SNX24: variants seen among roughly 807,000 people sequenced by gnomAD.
SNX24 encodes the protein sorting nexin-24.
Under a neutral mutation model 28.7 loss-of-function variants are expected in SNX24, and 22 were observed. The observed-to-expected ratio is 0.77, with a 90% CI of 0.55 to 1.10. The LOEUF (loss-of-function observed/expected upper bound fraction) is 1.10. SNX24 is among the 50% of genes least tolerant of loss of function. The pLI is 0.00. For missense variants in SNX24, 221 were observed against 201.1 expected, an observed-to-expected ratio of 1.10 and a Z score of -0.60; for synonymous variants, 69 against 71.5, an observed-to-expected ratio of 0.96 and a Z score of 0.18.
Position 122,845,690 on chromosome 5 carries a change from C to T in SNX24, c.57C>T (p.Tyr19=). 1 of 1,412,416 alleles carries T rather than the reference C, an allele frequency of 7.1e-7. No homozygotes were observed. Among genetic ancestry groups the T allele is most frequent in the Non-Finnish European group, 9.3e-7 (1 of 1,072,734 alleles). 87.5% of individuals were successfully genotyped at this position (1,412,416 alleles called of 1,614,324 possible). The part of the protein sequence containing the change: ...RYEESDLERG[Y]TVFKIEVLMN... ...AAGAGAGCGACCTGGAGCGGGGATA[C>T]ACGGTAGGCGCGGGCCGCGGGCGGA... The change falls in exon 1 of 7, where the codon TAC becomes TAT. Residue 19 remains tyrosine, a synonymous_variant. Coordinates refer to ENST00000261369, the MANE Select transcript of SNX24 (RefSeq NM_014035.4).
intron 3 of SNX24, among the ~76,000 whole-genome samples, chr5:122,964,231 G>A (rs1263903499): frequency 1.2e-4 from 7 of 59,402 alleles, no homozygotes. Context: ...TGGGCGACAA[G>A]AACAAGACTC....
intron 3 of SNX24, among the ~76,000 whole-genome samples, chr5:122,968,493 A>G (rs1191109917): frequency 6.6e-6 from 1 of 152,212 alleles, no homozygotes; most frequent in Non-Finnish European, 1.5e-5. Flanking sequence ...GTGTGACATC[A>G]AGAAGGGCAA....
intron 5 of SNX24, chr5:123,023,988 T>C (rs1762812294): frequency 6.2e-7 from 1 of 1,613,518 alleles, no homozygotes; most frequent in Non-Finnish European, 8.5e-7. Flanking sequence ...TGGAGCTCTA[T>C]GGAGTGCACC....
chr5:122,988,146 T>C (rs1220318451), intron 3 of SNX24, among the ~76,000 whole-genome samples: 2 of 152,118 alleles, frequency 1.3e-5, no homozygotes, highest in African/African-American at 2.4e-5. Flanking sequence ...TCTGGCCAAC[T>C]AGAGTGGTTA....
At chr5:122,936,024 C>T (rs1759164747) in intron 1 of SNX24, among the ~76,000 whole-genome samples, 1 of 152,166 alleles carries the variant, frequency 6.6e-6, no homozygotes, top group Non-Finnish European at 1.5e-5. Context: ...CAATATTTCT[C>T]ATCCCTTGTT....
At chr5:122,871,726 C>T (rs983069306) in intron 1 of SNX24, among the ~76,000 whole-genome samples, 1 of 152,124 alleles carries the variant, frequency 6.6e-6, no homozygotes, top group Non-Finnish European at 1.5e-5. Flanking sequence ...GCGGAGATCA[C>T]GCCATTGCAC....
chr5:122,856,492 A>G (rs573988146), intron 1 of SNX24, among the ~76,000 whole-genome samples: 40 of 149,748 alleles, frequency 2.7e-4, no homozygotes, highest in African/African-American at 9.8e-4. Context: ...ATAACCAATA[A>G]TTGGAATGCT....
chr5:122,860,036 T>C (rs956170786), intron 1 of SNX24, among the ~76,000 whole-genome samples: 3 of 152,210 alleles, frequency 2.0e-5, no homozygotes, highest in African/African-American at 7.2e-5. Flanking sequence ...TATTCAGATC[T>C]TAGTTAATCT....
intron 3 of SNX24, among the ~76,000 whole-genome samples, chr5:122,973,355 T>C (rs891279778): frequency 1.3e-5 from 2 of 152,202 alleles, no homozygotes; most frequent in South Asian, 2.1e-4. Flanking sequence ...CTGGGAAGAT[T>C]TGCCTTCACC....
chr5:122,885,117 C>G (rs950831868), intron 1 of SNX24, among the ~76,000 whole-genome samples: 5 of 152,080 alleles, frequency 3.3e-5, no homozygotes, highest in African/African-American at 1.2e-4. Context: ...GTTAGGGAAG[C>G]TTCCTGCCTC....
intron 1 of SNX24, among the ~76,000 whole-genome samples, chr5:122,933,894 T>A (rs989802611): frequency 1.5e-4 from 23 of 152,110 alleles, no homozygotes; most frequent in African/African-American, 4.6e-4. Flanking sequence ...GCGATTCTCC[T>A]GCCTCAGCCT....
intron 5 of SNX24, chr5:123,028,758 A>G (rs751039705): frequency 2.5e-6 from 4 of 1,594,408 alleles, no homozygotes; most frequent in Admixed American, 1.7e-5. Context: ...GGGAAAGGAA[A>G]AATGCAAAGA....
intron 6 of SNX24, among the ~76,000 whole-genome samples, chr5:123,004,062 A>G (rs1287099389): frequency 6.6e-6 from 1 of 152,240 alleles, no homozygotes; most frequent in Non-Finnish European, 1.5e-5. Flanking sequence ...TTAGCAAGAT[A>G]TTAAGGTTAT....
chr5:122,941,453 G>A (rs1759441140), intron 2 of SNX24, among the ~76,000 whole-genome samples: 1 of 152,066 alleles, frequency 6.6e-6, no homozygotes, highest in Admixed American at 6.5e-5. Flanking sequence ...GTCTTTTCCT[G>A]TGTGTTCTGA....
chr5:122,879,325 T>C (rs1270545132), intron 1 of SNX24, among the ~76,000 whole-genome samples: 2 of 152,176 alleles, frequency 1.3e-5, no homozygotes, highest in Non-Finnish European at 1.5e-5. Flanking sequence ...AAACATGTAG[T>C]GAGGCAAGAA....
At chr5:122,951,272 AAAAAAAAAAAG>A (rs1335133718) in intron 3 of SNX24, among the ~76,000 whole-genome samples, 1 of 150,052 alleles carries the variant, frequency 6.7e-6, no homozygotes, top group South Asian at 2.1e-4. Flanking sequence ...GTCTCAAAAA[AAAAAAAAAAAG>A]AAAAAGAAAA....
At chr5:122,885,251 C>G (rs911325716) in intron 1 of SNX24, among the ~76,000 whole-genome samples, 3 of 152,084 alleles carry the variant, frequency 2.0e-5, no homozygotes, top group African/African-American at 4.8e-5. Context: ...TGCTTGCCTC[C>G]CTGCCTCTCC....
Position 122,931,814 on chromosome 5 carries a change from T to C in SNX24, c.61-4920T>C, listed in dbSNP as rs372450170. On this transcript the variant is annotated intron_variant, in intron 1 of 6. Coordinates refer to ENST00000261369, the MANE Select transcript of SNX24 (RefSeq NM_014035.4). ...TTTATTAGATACTTTTAATCTGTTA[T>C]AGAGAATTCTTTTCTTTTTTCTTTT... 2.1e-4 allele frequency among the ~76,000 whole-genome samples: 32 copies of C among 152,108 alleles called. 2 individuals carry two copies. The South Asian group carries it at 2.9e-3, about 14-fold the overall frequency.
intron 1 of SNX24, among the ~76,000 whole-genome samples, chr5:122,920,993 T>C (rs987504458): frequency 2.0e-5 from 3 of 152,194 alleles, no homozygotes; most frequent in African/African-American, 7.2e-5. Context: ...CCCAAAGTGC[T>C]AGGATTACAG....
Sources: gnomAD v4.1 joint callset for allele counts (sites outside exome capture counted in the v4.1 genomes callset) on GRCh38, gnomAD v4.1.1 for gene constraint, MANE v1.5 for transcripts, NCBI Gene and HGNC (gene_info 2026-07-23, HGNC 2026-07-21) for gene names.